The following FBN2 variants were observed in gnomAD, a reference collection of about 807,000 sequenced individuals.
FBN2 encodes the protein fibrillin 2.
A neutral mutation model predicts 355.6 loss-of-function variants in FBN2; 105 were observed. That is an observed-to-expected ratio of 0.30 (90% CI 0.25 to 0.35). The LOEUF is 0.35. Among genes scored for constraint, FBN2 ranks in the 10% least tolerant of loss-of-function variants. The pLI is 1.00. For missense variants in FBN2, 3,280 were observed against 3,758.7 expected (o/e 0.87, Z 3.33); for synonymous variants, 1,350 against 1,301.2 (o/e 1.04, Z -0.81).
At chr5:128,408,101 G>A (rs1752978777) in intron 8 of FBN2, among the ~76,000 whole-genome samples, 2 of 152,114 alleles carry the variant, frequency 1.3e-5, no homozygotes, top group Non-Finnish European at 1.5e-5. Context: ...ACTGTGCTGT[G>A]ATTATGCATC....
At chr5:128,333,802 T>A (rs894661910) in intron 31 of FBN2, among the ~76,000 whole-genome samples, 1 of 151,128 alleles carries the variant, frequency 6.6e-6, no homozygotes, top group Non-Finnish European at 1.5e-5. Context: ...TAATGTGTTC[T>A]ATCTAGTTCA....
At chr5:128,390,240 T>C (rs1397078886) in intron 11 of FBN2, among the ~76,000 whole-genome samples, 1 of 152,208 alleles carries the variant, frequency 6.6e-6, no homozygotes, top group Non-Finnish European at 1.5e-5. Context: ...ACTTTTTGTA[T>C]ATGACCTACA....
intron 15 of FBN2, among the ~76,000 whole-genome samples, chr5:128,372,848 A>G (rs1232886477): frequency 3.3e-5 from 5 of 152,064 alleles, no homozygotes; most frequent in Admixed American, 3.3e-4. Flanking sequence ...ACTGGTCTTG[A>G]ACTCCTGGGC....
intron 55 of FBN2, among the ~76,000 whole-genome samples, chr5:128,285,623 A>G (rs937615308): frequency 6.6e-6 from 1 of 151,690 alleles, no homozygotes; most frequent in Non-Finnish European, 1.5e-5. Flanking sequence ...CCTATCAATC[A>G]TGCAGACTAA....
Position 128,434,422 on chromosome 5 carries a change from A to ATATATATATG in FBN2, c.952+12058_952+12059insCATATATATA, listed in dbSNP as rs1561455185. The stretch of plus-strand genomic sequence containing the variant: ...TATATATATATATATATATATATAT[A>ATATATATATG]TATGGGCAGTAAGTGACAGCACTGG... On this transcript the variant is annotated intron_variant, in intron 7 of 64. Coordinates refer to ENST00000262464, the MANE Select transcript of FBN2 (RefSeq NM_001999.4). Among the ~76,000 whole-genome samples the ATATATATATG allele has an allele frequency of 7.2e-4, 95 of 132,704 alleles. 4 individuals carry two copies. Among genetic ancestry groups the ATATATATATG allele is most frequent in the African/African-American group, 3.0e-3 (91 of 30,456 alleles). 87.1% of individuals were successfully genotyped at this position (132,704 alleles called of 152,430 possible). A position where few individuals can be genotyped will look rare whatever the true frequency, so the allele number is the denominator to read the frequency against.
At chr5:128,307,857 T>TA in intron 41 of FBN2, among the ~76,000 whole-genome samples, 2 of 152,148 alleles carry the variant, frequency 1.3e-5, no homozygotes, top group East Asian at 3.9e-4. Context: ...TACAAGTGAG[T>TA]AAAACTCCTG....
intron 20 of FBN2, among the ~76,000 whole-genome samples, chr5:128,354,010 C>T (rs1488213295): frequency 6.6e-6 from 1 of 152,144 alleles, no homozygotes; most frequent in Admixed American, 6.5e-5. Context: ...CCCCACTGAC[C>T]CACTGTTGTG....
chr5:128,342,976 T>C lies in FBN2; in HGVS notation c.3343+1409A>G, dbSNP rs138874637. The stretch of plus-strand genomic sequence containing the variant: ...CTCCTGACCCCAGGTGATCTGCCCG[T>C]CTCGGCCTCCCAAAGTGCTGGGGTT... On this transcript the variant is annotated intron_variant, in intron 25 of 64. Transcript: ENST00000262464. 3.9e-5 allele frequency among the ~76,000 whole-genome samples: 6 copies of C among 151,966 alleles called. No homozygotes were observed. The East Asian group carries it at 1.2e-3, about 29-fold the overall frequency.
chr5:128,433,015 A>G (rs1385760177), intron 7 of FBN2, among the ~76,000 whole-genome samples: 9 of 152,202 alleles, frequency 5.9e-5, no homozygotes. Context: ...TCATGAGAAC[A>G]GCAGTGGGGA....
At chr5:128,396,935 CAG>C (rs1022912436) in intron 8 of FBN2, among the ~76,000 whole-genome samples, 3 of 152,142 alleles carry the variant, frequency 2.0e-5, no homozygotes, top group Admixed American at 6.5e-5. Context: ...GCACTGGATA[CAG>C]AGTTTAAAGT....
chr5:128,471,526 A>G (rs1365879451), intron 5 of FBN2, among the ~76,000 whole-genome samples: 2 of 152,148 alleles, frequency 1.3e-5, no homozygotes, highest in Admixed American at 6.5e-5. Flanking sequence ...AAGTACAAAA[A>G]TGTTTAAGAG....
chr5:128,322,880 A>G (rs1445148801), intron 34 of FBN2, among the ~76,000 whole-genome samples: 2 of 152,122 alleles, frequency 1.3e-5, no homozygotes, highest in Admixed American at 6.5e-5. Context: ...CATTTTCATG[A>G]TACTGATTTT....
intron 58 of FBN2, 83 bp downstream of exon 58, chr5:128,277,797 C>G: frequency 7.1e-7 from 1 of 1,404,832 alleles, no homozygotes; most frequent in Non-Finnish European, 1.0e-6. Context: ...ATAATAAAGA[C>G]ACTCTACTGA....
intron 5 of FBN2, among the ~76,000 whole-genome samples, chr5:128,469,592 T>C (rs1754803170): frequency 6.6e-6 from 1 of 151,332 alleles, no homozygotes; most frequent in South Asian, 2.1e-4. Context: ...CAAGCTTATA[T>C]TTGTATTCTA....
Position 128,513,312 on chromosome 5 carries a change from A to G in FBN2, c.628+5961T>C, listed in dbSNP as rs147782251. On this transcript the variant is annotated intron_variant, in intron 5 of 64. Coordinates refer to ENST00000262464, the MANE Select transcript of FBN2 (RefSeq NM_001999.4). ...ATTTAATTACTTTTGAGTAAATTCT[A>G]TATAATAACAACTGATTACATTTAA... 7.9e-5 allele frequency among the ~76,000 whole-genome samples: 12 copies of G among 152,344 alleles called. No homozygotes were observed. The East Asian group carries it at 2.1e-3, about 27-fold the overall frequency.
intron 52 of FBN2, among the ~76,000 whole-genome samples, chr5:128,288,881 T>C (rs942859145): frequency 1.3e-5 from 2 of 152,340 alleles, no homozygotes; most frequent in South Asian, 2.1e-4. Flanking sequence ...ATTTTGGCAA[T>C]TGTAAGTCTC....
chr5:128,417,725 C>T (rs1416306770), intron 7 of FBN2, among the ~76,000 whole-genome samples: 1 of 152,044 alleles, frequency 6.6e-6, no homozygotes, highest in Non-Finnish European at 1.5e-5. Context: ...TGTTATCTTT[C>T]TGATGTGCTG....
chr5:128,369,036 C>A, intron 16 of FBN2, 146 bp downstream of exon 16: 1 of 784,686 alleles, frequency 1.3e-6, no homozygotes, highest in South Asian at 1.5e-5. Flanking sequence ...TTATTATATG[C>A]CTCACATATC....
chr5:128,462,511 T>C (rs1222439279), intron 6 of FBN2, among the ~76,000 whole-genome samples: 1 of 152,180 alleles, frequency 6.6e-6, no homozygotes, highest in Non-Finnish European at 1.5e-5. Flanking sequence ...ATTTTAATCA[T>C]GTGGCAAATT....
Sources: gnomAD v4.1 joint callset for allele counts (sites outside exome capture counted in the v4.1 genomes callset) on GRCh38, gnomAD v4.1.1 for gene constraint, MANE v1.5 for transcripts, NCBI Gene and HGNC (gene_info 2026-07-23, HGNC 2026-07-21) for gene names.